RCAN2: variants seen among roughly 807,000 people sequenced by gnomAD.
The protein encoded by RCAN2 is regulator of calcineurin 2, also known as calcipressin-2.
Under a neutral mutation model 23.6 loss-of-function variants are expected in RCAN2, and 9 were observed. That is an observed-to-expected ratio of 0.38 (90% confidence interval 0.23 to 0.67). The LOEUF is 0.67. Ranked by LOEUF, RCAN2 falls within the 30% of genes least tolerant of loss-of-function variation. The probability of loss-of-function intolerance (pLI) is 0.51; values close to 1 mark genes in which losing one functional copy is unlikely to be tolerated. For synonymous variants in RCAN2, 109 were observed against 115.7 expected, an observed-to-expected ratio of 0.94 and a Z score of 0.37; for missense variants, 273 against 302.3, an observed-to-expected ratio of 0.90 and a Z score of 0.72.
chr6:46,247,027 T>G, intron 3 of RCAN2, 108 bp from the exon 4 acceptor site: 1 of 877,262 alleles, frequency 1.1e-6, no homozygotes, highest in Non-Finnish European at 1.7e-6. Flanking sequence ...AATGAACCGA[T>G]GAACCCGACC....
chr6:46,344,934 A>G (rs1445718009), intron 2 of RCAN2, among the ~76,000 whole-genome samples: 3 of 152,112 alleles, frequency 2.0e-5, no homozygotes, highest in Admixed American at 6.5e-5. Flanking sequence ...AGACTAGATT[A>G]AAATAAAAAA....
intron 2 of RCAN2, among the ~76,000 whole-genome samples, chr6:46,324,255 A>G (rs981201201): frequency 6.6e-6 from 1 of 152,238 alleles, no homozygotes; most frequent in African/African-American, 2.4e-5. Flanking sequence ...TGACACAAAA[A>G]TTAGTAAATA....
intron 2 of RCAN2, among the ~76,000 whole-genome samples, chr6:46,373,354 G>A (rs558203707): frequency 3.3e-5 from 5 of 151,860 alleles, no homozygotes; most frequent in Admixed American, 2.0e-4. Context: ...AACCTCCACC[G>A]CCCAGGTTCC....
chr6:46,412,276 G>A (rs965139170), intron 2 of RCAN2, among the ~76,000 whole-genome samples: 1 of 152,190 alleles, frequency 6.6e-6, no homozygotes. Context: ...TGAGGAAAAC[G>A]AGCTTTCTGG....
At chr6:46,437,367 C>T (rs1767404841) in intron 2 of RCAN2, among the ~76,000 whole-genome samples, 2 of 152,196 alleles carry the variant, frequency 1.3e-5, no homozygotes, top group African/African-American at 4.8e-5. Context: ...ATCACTCCCA[C>T]CCCATATCCT....
chr6:46,324,343 A>G (rs978179814), intron 2 of RCAN2, among the ~76,000 whole-genome samples: 3 of 152,362 alleles, frequency 2.0e-5, no homozygotes, highest in Non-Finnish European at 2.9e-5. Context: ...TAAAGCTGCA[A>G]TCTTGAATGA....
At chr6:46,226,988 T>C (rs1765692158) in intron 4 of RCAN2, among the ~76,000 whole-genome samples, 1 of 152,224 alleles carries the variant, frequency 6.6e-6, no homozygotes, top group South Asian at 2.1e-4. Flanking sequence ...TGAGAGTTTT[T>C]AGCATGAAGG....
chr6:46,231,835 G>T (rs774131544), intron 4 of RCAN2, among the ~76,000 whole-genome samples: 2 of 152,200 alleles, frequency 1.3e-5, no homozygotes, highest in Non-Finnish European at 2.9e-5. Flanking sequence ...ACATCCTGCT[G>T]TGTAGAGTAA....
intron 2 of RCAN2, among the ~76,000 whole-genome samples, chr6:46,444,106 T>C (rs1163307750): frequency 6.6e-6 from 1 of 152,218 alleles, no homozygotes; most frequent in Non-Finnish European, 1.5e-5. Context: ...CTTGAAGGGC[T>C]TCAGGGTCTA....
At chr6:46,226,438 G>C (rs1765668154) in intron 4 of RCAN2, among the ~76,000 whole-genome samples, 1 of 152,122 alleles carries the variant, frequency 6.6e-6, no homozygotes, top group Non-Finnish European at 1.5e-5. Flanking sequence ...TCTTCCATTT[G>C]TTTGTGTCCT....
intron 2 of RCAN2, among the ~76,000 whole-genome samples, chr6:46,445,791 G>T (rs1299176757): frequency 6.6e-6 from 1 of 152,040 alleles, no homozygotes; most frequent in Non-Finnish European, 1.5e-5. Context: ...ACAATAGAGG[G>T]TGTCAACAGC....
At chr6:46,378,071 A>C (rs1355950160) in intron 2 of RCAN2, among the ~76,000 whole-genome samples, 1 of 152,192 alleles carries the variant, frequency 6.6e-6, no homozygotes, top group African/African-American at 2.4e-5. Context: ...CACTAACTAA[A>C]TATTCGCTGA....
At chr6:46,285,916 T>C (rs1263687927) in intron 2 of RCAN2, among the ~76,000 whole-genome samples, 1 of 152,220 alleles carries the variant, frequency 6.6e-6, no homozygotes, top group African/African-American at 2.4e-5. Context: ...GCCCATTCTT[T>C]GGGTCACTGT....
intron 4 of RCAN2, among the ~76,000 whole-genome samples, chr6:46,239,548 T>C (rs1766227847): frequency 6.6e-6 from 1 of 152,186 alleles, no homozygotes; most frequent in Non-Finnish European, 1.5e-5. Flanking sequence ...TCTGCCTCAG[T>C]AGGCCTTGTA....
chr6:46,478,301 T>C (rs1338919595), intron 1 of RCAN2, among the ~76,000 whole-genome samples: 1 of 152,216 alleles, frequency 6.6e-6, no homozygotes. Flanking sequence ...CTCTGTATCA[T>C]GCAGGCTGTT....
At chr6:46,408,565 C>G (rs1766470589) in intron 2 of RCAN2, among the ~76,000 whole-genome samples, 1 of 152,188 alleles carries the variant, frequency 6.6e-6, no homozygotes, top group Non-Finnish European at 1.5e-5. Flanking sequence ...GCCACTAGGA[C>G]TCTTAGTGCA....
At chr6:46,276,915 C>G (rs189597028) in intron 2 of RCAN2, among the ~76,000 whole-genome samples, 1 of 152,220 alleles carries the variant, frequency 6.6e-6, no homozygotes, top group African/African-American at 2.4e-5. Flanking sequence ...AGCCTCCAAA[C>G]AGATGCCTGG....
chr6:46,397,908 G>A (rs1766142409), intron 2 of RCAN2, among the ~76,000 whole-genome samples: 1 of 152,070 alleles, frequency 6.6e-6, no homozygotes, highest in Non-Finnish European at 1.5e-5. Context: ...TCTAATACTA[G>A]TAAAATATTC....
At chr6:46,447,725 T>A (rs1386073262) in intron 2 of RCAN2, among the ~76,000 whole-genome samples, 1 of 151,548 alleles carries the variant, frequency 6.6e-6, no homozygotes, top group African/African-American at 2.4e-5. Context: ...TACAAAAAAA[T>A]TTAACAAGAT....
Sources: allele counts gnomAD v4.1 joint callset (sites outside exome capture counted in the v4.1 genomes callset), GRCh38; gene constraint gnomAD v4.1.1; transcripts MANE v1.5; gene names NCBI Gene and HGNC (gene_info 2026-07-23, HGNC 2026-07-21).